The following VPS50 variants were observed in gnomAD, a reference collection of about 807,000 sequenced individuals.
VPS50 encodes the protein syndetin.
In VPS50, 70 loss-of-function variants were observed where a neutral mutation model predicts 139.7. The observed-to-expected ratio is 0.50, with a 90% CI of 0.41 to 0.61. VPS50 has a LOEUF of 0.61. Among genes scored for constraint, VPS50 ranks in the 20% least tolerant of loss-of-function variants. The pLI, the probability that VPS50 is intolerant of heterozygous loss-of-function variation, is 0.00. For missense variants in VPS50, 921 were observed against 1,133.7 expected (o/e 0.81, Z 2.69); for synonymous variants, 365 against 376.7 (o/e 0.97, Z 0.36).
At chr7:93,330,237 A>G (rs1797895591) in intron 21 of VPS50, among the ~76,000 whole-genome samples, 1 of 152,172 alleles carries the variant, frequency 6.6e-6, no homozygotes, top group African/African-American at 2.4e-5. Flanking sequence ...AATAACTTTA[A>G]CTTTTAGCCA....
intron 9 of VPS50, among the ~76,000 whole-genome samples, chr7:93,262,674 G>A (rs948846121): frequency 3.3e-5 from 5 of 152,150 alleles, no homozygotes; most frequent in African/African-American, 1.2e-4. Flanking sequence ...TTTTAACTTG[G>A]TGATTTAGTG....
At chr7:93,281,777 A>G (rs997537218) in intron 12 of VPS50, among the ~76,000 whole-genome samples, 4 of 152,242 alleles carry the variant, frequency 2.6e-5, no homozygotes, top group East Asian at 1.9e-4. Context: ...AAAAGACACA[A>G]GCAAAAAGAA....
chr7:93,341,445 A>G lies in VPS50; in HGVS notation c.2077A>G (p.Thr693Ala), dbSNP rs1331706827. The G allele has an allele frequency of 4.3e-6, 7 of 1,609,784 alleles. No homozygotes were observed. The Admixed American group carries it at 1.2e-4, about 27-fold the overall frequency. Residue 693 changes from threonine (T) to alanine (A), a missense_variant, in exon 23 of 28, where the codon ACT (threonine) becomes GCT (alanine). By Grantham distance (58) the Thr-to-Ala change is moderately conservative. This residue lies in a region of VPS50 where 744 missense variants were observed against 930.6 expected (regional missense o/e 0.80). Transcript: ENST00000305866. ...TTTTCAGGAAGTTTCAGCTGATCCT[A>G]CTGCCACACTCACAGCAGCAGAAGA... ...LIDLEVSADP[T>A]ATLTAAEERK...
intron 23 of VPS50, among the ~76,000 whole-genome samples, chr7:93,345,175 CT>C (rs1293071401): frequency 6.6e-6 from 1 of 152,204 alleles, no homozygotes. Flanking sequence ...GAAATACAAA[CT>C]ACCTTCAGAG....
At position 93,324,242 on chromosome 7, in the gene VPS50, A is replaced by G. The variant is rs186378570; in HGVS notation, c.1977+510A>G. ...ATCATGTCATCTGCAAACAGGGACA[A>G]TTTGACTTGCTCTTTTCCTAATTGA... is the stretch of plus-strand genomic sequence containing the variant. On this transcript the variant is annotated intron_variant, in intron 21 of 27. Coordinates refer to ENST00000305866, the MANE Select transcript of VPS50 (RefSeq NM_017667.4). 3.0e-3 allele frequency among the ~76,000 whole-genome samples: 453 copies of G among 152,326 alleles called. 1 individual carries two copies. The highest frequency in any genetic ancestry group is 4.6e-3 in the Admixed American group (70 of 15,296).
intron 20 of VPS50, among the ~76,000 whole-genome samples, chr7:93,317,324 T>C (rs1180873067): frequency 1.3e-5 from 2 of 152,044 alleles, no homozygotes; most frequent in African/African-American, 4.8e-5. Flanking sequence ...CCAAGACAGA[T>C]GGATCACTTA....
Position 93,263,513 on chromosome 7 carries a change from G to A in VPS50, c.659+3881G>A, listed in dbSNP as rs532900222. ...TTGTCTACTTGTTAATTTTTTCTTGGCAGATTATGTGTTCCTCTTTTCTTT... is the reference window on the plus strand; with the variant it reads ...TTGTCTACTTGTTAATTTTTTCTTGACAGATTATGTGTTCCTCTTTTCTTT... On this transcript the variant is annotated intron_variant, in intron 9 of 27. Transcript: ENST00000305866. Among the ~76,000 whole-genome samples, 13 of 152,090 alleles carry A rather than the reference G, an allele frequency of 8.5e-5. No homozygotes were observed. In the South Asian group the frequency reaches 2.1e-3, roughly 24 times the overall value.
chr7:93,260,887 G>T (rs1340368770), intron 9 of VPS50, among the ~76,000 whole-genome samples: 1 of 152,038 alleles, frequency 6.6e-6, no homozygotes, highest in African/African-American at 2.4e-5. Context: ...GTAGAGATGG[G>T]GTTTTGCCAT....
chr7:93,344,797 C>T (rs1798338972), intron 23 of VPS50, among the ~76,000 whole-genome samples: 2 of 152,114 alleles, frequency 1.3e-5, no homozygotes, highest in South Asian at 4.2e-4. Context: ...AAAGACACAA[C>T]ATACCAGAAT....
intron 27 of VPS50, among the ~76,000 whole-genome samples, 174 bp from the exon 28 acceptor site, chr7:93,358,143 C>G (rs1231905841): frequency 6.6e-6 from 1 of 152,158 alleles, no homozygotes; most frequent in African/African-American, 2.4e-5. Context: ...TCTCCTATTA[C>G]AGCTCAGTAA....
chr7:93,323,671 T>A lies in VPS50; in HGVS notation c.1916T>A (p.Met639Lys). 3 of 1,382,264 alleles carry A rather than the reference T, an allele frequency of 2.2e-6. No individual in the cohort carries two copies. The highest frequency in any genetic ancestry group is 2.9e-6 in the Non-Finnish European group (3 of 1,018,116). 85.6% of individuals were successfully genotyped at this position (1,382,264 alleles called of 1,614,324 possible). A position where few individuals can be genotyped will look rare whatever the true frequency, so the allele number is the denominator to read the frequency against. ...ATTGCCTTTGATGTTATTCATTTCA[T>A]GTCTCAACTATTTGATTATTACTTG... is the stretch of plus-strand genomic sequence containing the variant. Reference protein sequence around the residue: ...KPIAFDVIHFMSQLFDYYLYA... With the variant: ...KPIAFDVIHFKSQLFDYYLYA... The change falls in exon 21 of 28, where the codon ATG (methionine) becomes AAG (lysine). Residue 639 changes from methionine (M) to lysine (K), a missense_variant. By Grantham distance (95) the Met-to-Lys change is moderately conservative. Around this residue, in one of 3 missense-constraint regions of VPS50, gnomAD observed 744 missense variants for 930.6 expected, o/e 0.80. Coordinates refer to ENST00000305866, the MANE Select transcript of VPS50 (RefSeq NM_017667.4).
At position 93,360,486 on chromosome 7, in the gene VPS50, G is replaced by T. The variant is rs1467046049; in HGVS notation, c.*2050G>T. 2.0e-5 allele frequency: 3 copies of T among 148,044 alleles called. No homozygotes were observed. The highest frequency in any genetic ancestry group is 7.5e-5 in the African/African-American group (3 of 39,922). The allele number at this position is 148,044 out of a possible 1,614,324, so 9.2% of individuals were successfully genotyped here. Reference sequence around the variant, plus strand: ...ATCAAAACAGTAACAGGAGGTTTGAGTCATGAAGTTACCTAATCACAAGAG... The same window carrying T: ...ATCAAAACAGTAACAGGAGGTTTGATTCATGAAGTTACCTAATCACAAGAG... On this transcript the variant is annotated 3_prime_UTR_variant, in exon 28 of 28. Coordinates refer to ENST00000305866, the MANE Select transcript of VPS50 (RefSeq NM_017667.4).
At chr7:93,271,707 A>G (rs1341113820) in intron 10 of VPS50, among the ~76,000 whole-genome samples, 1 of 151,758 alleles carries the variant, frequency 6.6e-6, no homozygotes, top group Non-Finnish European at 1.5e-5. Flanking sequence ...GTAGAAACTA[A>G]AAAGGAAGAG....
intron 12 of VPS50, among the ~76,000 whole-genome samples, chr7:93,277,001 G>A (rs1484311671): frequency 1.3e-5 from 2 of 152,128 alleles, no homozygotes; most frequent in Non-Finnish European, 2.9e-5. Context: ...AGTGATCAGG[G>A]CTGAGTTTGT....
chr7:93,296,320 T>G (rs1370868218), intron 14 of VPS50, among the ~76,000 whole-genome samples: 4 of 152,216 alleles, frequency 2.6e-5, no homozygotes, highest in Non-Finnish European at 5.9e-5. Flanking sequence ...TTAGGCTGAC[T>G]GTTTTCTGAG....
intron 9 of VPS50, among the ~76,000 whole-genome samples, chr7:93,264,633 A>T (rs1795784832): frequency 6.6e-6 from 1 of 152,166 alleles, no homozygotes; most frequent in African/African-American, 2.4e-5. Flanking sequence ...TCAGAATATG[A>T]TCTTGGTAGT....
intron 1 of VPS50, among the ~76,000 whole-genome samples, chr7:93,232,907 G>A (rs1794680776): frequency 6.6e-6 from 1 of 152,150 alleles, no homozygotes. Flanking sequence ...ACTGAAAACG[G>A]ATGATTTGAA....
Position 93,342,503 on chromosome 7 carries a change from G to C in VPS50, c.2207+928G>C, listed in dbSNP as rs959217672. Among the ~76,000 whole-genome samples the C allele has an allele frequency of 3.3e-5, 5 of 152,332 alleles. No individual in the cohort carries two copies. The South Asian group carries it at 1.0e-3, about 32-fold the overall frequency. On this transcript the variant is annotated intron_variant, in intron 23 of 27. Coordinates refer to ENST00000305866, the MANE Select transcript of VPS50 (RefSeq NM_017667.4). ...AGCCCAAGGAGGCCTGCCTGCCTCT[G>C]TAGGCTCCACCTCTGGGGGCAGGGC... is the stretch of plus-strand genomic sequence containing the variant.
chr7:93,271,367 T>C, intron 10 of VPS50, 105 bp downstream of exon 10: 3 of 1,342,882 alleles, frequency 2.2e-6, no homozygotes, highest in Non-Finnish European at 2.9e-6. Flanking sequence ...TACCAATGTC[T>C]CTAGATCACT....
Sources: gnomAD v4.1 joint callset for allele counts (sites outside exome capture counted in the v4.1 genomes callset) on GRCh38, gnomAD v4.1.1 for gene constraint, gnomAD v4.1.1 regional missense constraint, MANE v1.5 for transcripts, NCBI Gene and HGNC (gene_info 2026-07-23, HGNC 2026-07-21) for gene names.